Variants in PTPRD observed in about 807,000 individuals in gnomAD.
PTPRD encodes protein tyrosine phosphatase receptor type D.
Under a neutral mutation model 214.5 loss-of-function variants are expected in PTPRD, and 34 were observed. The ratio of observed to expected loss-of-function variants is 0.16; its 90% CI spans 0.12 to 0.21. The LOEUF is 0.21. Ranked by LOEUF, PTPRD falls within the 10% of genes least tolerant of loss-of-function variation. PTPRD has a pLI of 1.00. For synonymous variants in PTPRD, 1,128 were observed against 845.7 expected (o/e 1.33, Z -5.79); for missense variants, 2,545 against 2,398.7 (o/e 1.06, Z -1.27).
rs553711445 is a variant in PTPRD at position 10,096,225 on chromosome 9, T to C, written c.-544-62435A>G. Among the ~76,000 whole-genome samples, 7 of 151,856 alleles carry C rather than the reference T, an allele frequency of 4.6e-5. No homozygotes were observed. The East Asian group carries it at 5.8e-4, about 13-fold the overall frequency. ...TGACATATAGAACAGGAAAAGTTAC[T>C]AAGATATAAATTGAGATACATATCT... On this transcript the variant is annotated intron_variant, in intron 3 of 45. Transcript: ENST00000381196.
At chr9:8,799,514 G>C (rs1028756235) in intron 11 of PTPRD, among the ~76,000 whole-genome samples, 1 of 152,188 alleles carries the variant, frequency 6.6e-6, no homozygotes, top group South Asian at 2.1e-4. Flanking sequence ...ACAGGCAGTA[G>C]GGAAGAGGAA....
chr9:9,881,068 A>G (rs10978059), intron 5 of PTPRD, among the ~76,000 whole-genome samples: 13,299 of 152,200 alleles, frequency 0.087, 1,402 homozygotes, highest in African/African-American at 0.25. Context: ...AAGTCTCATT[A>G]GCCATTTTGG....
chr9:10,557,628 C>T (rs1158039506), intron 2 of PTPRD, among the ~76,000 whole-genome samples: 1 of 152,014 alleles, frequency 6.6e-6, no homozygotes, highest in Non-Finnish European at 1.5e-5. Flanking sequence ...TTCTGTGTTC[C>T]TGGTTCAAAT....
chr9:9,969,284 C>G (rs1207742915), intron 4 of PTPRD, among the ~76,000 whole-genome samples: 3 of 152,132 alleles, frequency 2.0e-5, no homozygotes, highest in Admixed American at 2.0e-4. Flanking sequence ...GGAGATGAAG[C>G]TGAACACTAG....
intron 14 of PTPRD, among the ~76,000 whole-genome samples, chr9:8,547,267 T>A (rs538713810): frequency 5.9e-5 from 9 of 152,260 alleles, no homozygotes; most frequent in African/African-American, 1.7e-4. Context: ...AATAAACTTA[T>A]TAAAGTGAGC....
chr9:8,713,343 A>G (rs112272736), intron 12 of PTPRD: 156,296 of 948,998 alleles, frequency 0.16, 13,830 homozygotes, highest in South Asian at 0.21. Flanking sequence ...GAGAGTACAA[A>G]GTAGTGGGTC....
At chr9:8,345,478 T>A (rs1269338438) in intron 39 of PTPRD, among the ~76,000 whole-genome samples, 1 of 152,068 alleles carries the variant, frequency 6.6e-6, no homozygotes, top group East Asian at 1.9e-4. Flanking sequence ...TTGGCAGCAT[T>A]TGACTATCCC....
chr9:8,729,249 G>C (rs2098628394), intron 12 of PTPRD, among the ~76,000 whole-genome samples: 1 of 152,088 alleles, frequency 6.6e-6, no homozygotes, highest in Admixed American at 6.6e-5. Context: ...ATTCTAAGAA[G>C]CCTTTTTTTA....
intron 8 of PTPRD, among the ~76,000 whole-genome samples, chr9:9,505,962 A>G (rs1178629190): frequency 7.3e-5 from 11 of 151,398 alleles, no homozygotes; most frequent in Admixed American, 2.0e-4. Flanking sequence ...AGGCAGAAAA[A>G]AAATAATTTG....
At chr9:9,009,603 A>G (rs2099499487) in intron 11 of PTPRD, among the ~76,000 whole-genome samples, 1 of 151,860 alleles carries the variant, frequency 6.6e-6, no homozygotes, top group African/African-American at 2.4e-5. Flanking sequence ...AAAAATTTTT[A>G]TGAGTGCTTA....
intron 10 of PTPRD, among the ~76,000 whole-genome samples, chr9:9,154,885 G>C (rs2099879896): frequency 6.6e-6 from 1 of 152,096 alleles, no homozygotes; most frequent in Admixed American, 6.6e-5. Flanking sequence ...TTATTAGGTA[G>C]AATTTTTTAA....
At chr9:10,336,354 G>C (rs762413289) in intron 3 of PTPRD, among the ~76,000 whole-genome samples, 11 of 151,574 alleles carry the variant, frequency 7.3e-5, no homozygotes, top group Non-Finnish European at 1.3e-4. Flanking sequence ...TACCAGTTTT[G>C]TGTGGCTCCT....
At chr9:10,243,448 T>C (rs1192421008) in intron 3 of PTPRD, among the ~76,000 whole-genome samples, 1 of 152,056 alleles carries the variant, frequency 6.6e-6, no homozygotes, top group East Asian at 1.9e-4. Flanking sequence ...AAAACTTACA[T>C]TTCTATAACA....
chr9:8,762,127 T>C (rs973123977), intron 11 of PTPRD, among the ~76,000 whole-genome samples: 1 of 152,176 alleles, frequency 6.6e-6, no homozygotes, highest in Admixed American at 6.5e-5. Context: ...TATACAAAGG[T>C]TCTGTCTTTC....
intron 11 of PTPRD, among the ~76,000 whole-genome samples, chr9:8,744,606 A>G (rs1444081429): frequency 6.6e-6 from 1 of 152,228 alleles, no homozygotes; most frequent in Non-Finnish European, 1.5e-5. Context: ...ATGAGGATGC[A>G]AAGGCATAAA....
chr9:10,197,816 G>A (rs533896233), intron 3 of PTPRD, among the ~76,000 whole-genome samples: 1 of 152,138 alleles, frequency 6.6e-6, no homozygotes, highest in African/African-American at 2.4e-5. Flanking sequence ...AGTTATAGAG[G>A]AGAAAGAGAA....
chr9:8,598,148 T>A, intron 14 of PTPRD, among the ~76,000 whole-genome samples: 1 of 152,116 alleles, frequency 6.6e-6, no homozygotes, highest in East Asian at 1.9e-4. Flanking sequence ...ATGATTAGAC[T>A]TTCATACATT....
chr9:9,167,694 G>C (rs774438915), intron 10 of PTPRD, among the ~76,000 whole-genome samples: 1 of 152,118 alleles, frequency 6.6e-6, no homozygotes, highest in Non-Finnish European at 1.5e-5. Flanking sequence ...GGCAGAGGTT[G>C]TGGTGAGCCG....
intron 2 of PTPRD, among the ~76,000 whole-genome samples, chr9:10,475,198 G>A (rs906664403): frequency 3.3e-5 from 5 of 151,812 alleles, no homozygotes; most frequent in Admixed American, 2.6e-4. Flanking sequence ...ATCCAGGAGC[G>A]GATTTTTTTG....
Sources: gnomAD v4.1 joint callset for allele counts (sites outside exome capture counted in the v4.1 genomes callset) on GRCh38, gnomAD v4.1.1 for gene constraint, MANE v1.5 for transcripts, NCBI Gene and HGNC (gene_info 2026-07-23, HGNC 2026-07-21) for gene names.